The following SGCZ variants were observed in gnomAD, a reference collection of about 807,000 sequenced individuals.
The protein encoded by SGCZ is sarcoglycan zeta.
In SGCZ, 40 loss-of-function variants were observed where a neutral mutation model predicts 41.3. That is an observed-to-expected ratio of 0.97 (90% confidence interval 0.75 to 1.26). The LOEUF (loss-of-function observed/expected upper bound fraction) is 1.26, where lower values mean the gene tolerates loss of function less well. Ranked by LOEUF, SGCZ falls within the 50% of genes most tolerant of loss-of-function variation. The pLI, the probability that SGCZ is intolerant of heterozygous loss-of-function variation, is 0.00. For synonymous variants in SGCZ, 206 were observed against 137.5 expected (o/e 1.50, Z -3.49); for missense variants, 552 against 369.8 (o/e 1.49, Z -4.04).
At chr8:15,048,406 T>C (rs530804087) in intron 1 of SGCZ, among the ~76,000 whole-genome samples, 2 of 152,186 alleles carry the variant, frequency 1.3e-5, no homozygotes, top group South Asian at 4.1e-4. Flanking sequence ...TAAGTTCTAG[T>C]GTTCAATAGC....
chr8:14,938,988 C>A (rs921441599), intron 1 of SGCZ, among the ~76,000 whole-genome samples: 1 of 152,110 alleles, frequency 6.6e-6, no homozygotes, highest in South Asian at 2.1e-4. Context: ...GTCTTTCAGT[C>A]TGCGCCCTGG....
chr8:14,649,007 T>C (rs1261915132), intron 1 of SGCZ, among the ~76,000 whole-genome samples: 1 of 152,112 alleles, frequency 6.6e-6, no homozygotes, highest in African/African-American at 2.4e-5. Context: ...CCAACAGTCA[T>C]ACCAACTATA....
At chr8:15,123,829 G>A (rs538233604) in intron 1 of SGCZ, among the ~76,000 whole-genome samples, 31 of 152,262 alleles carry the variant, frequency 2.0e-4, no homozygotes, top group Admixed American at 1.8e-3. Flanking sequence ...GCAGACTGAG[G>A]GTCAGACAAG....
chr8:15,151,017 T>C (rs1488680620), intron 1 of SGCZ, among the ~76,000 whole-genome samples: 2 of 152,238 alleles, frequency 1.3e-5, no homozygotes, highest in Admixed American at 1.3e-4. Flanking sequence ...GTGGACCTAT[T>C]GGCTTCTATC....
intron 1 of SGCZ, among the ~76,000 whole-genome samples, chr8:15,107,448 A>G (rs1002821961): frequency 2.0e-5 from 3 of 152,166 alleles, no homozygotes; most frequent in African/African-American, 7.2e-5. Context: ...TCATTTACCC[A>G]TGAAAGCTGC....
At chr8:14,496,599 G>T (rs548358094) in intron 2 of SGCZ, among the ~76,000 whole-genome samples, 2 of 152,034 alleles carry the variant, frequency 1.3e-5, no homozygotes, top group African/African-American at 4.8e-5. Flanking sequence ...GATTTTGAGA[G>T]TCTCTGTTTT....
At chr8:15,167,341 C>A (rs2410233) in intron 1 of SGCZ, among the ~76,000 whole-genome samples, 32,691 of 152,140 alleles carry the variant, frequency 0.21, 4,215 homozygotes, top group East Asian at 0.58. Flanking sequence ...AGGAAACTGG[C>A]CTCACGTCCT....
At chr8:14,839,266 G>A (rs1385573365) in intron 1 of SGCZ, among the ~76,000 whole-genome samples, 1 of 152,006 alleles carries the variant, frequency 6.6e-6, no homozygotes, top group Non-Finnish European at 1.5e-5. Context: ...AAATATGAAC[G>A]ATCACTCAAA....
rs190310522 is a variant in SGCZ at position 14,540,783 on chromosome 8, A to T, written c.234+13949T>A. Among the ~76,000 whole-genome samples the T allele has an allele frequency of 3.9e-5, 6 of 151,954 alleles. No individual in the cohort carries two copies. In the East Asian group the frequency reaches 9.7e-4, roughly 25 times the overall value. On this transcript the variant is annotated intron_variant, in intron 2 of 7. Coordinates refer to ENST00000382080, the MANE Select transcript of SGCZ (RefSeq NM_139167.4). ...ATATTATCTCATGGAAAGAATTTTT[A>T]TCCTCATAAGTAGTACATTATTCTT...
chr8:14,480,328 T>C (rs1801501093), intron 2 of SGCZ, among the ~76,000 whole-genome samples: 1 of 152,198 alleles, frequency 6.6e-6, no homozygotes, highest in Admixed American at 6.5e-5. Context: ...TTGAAATATT[T>C]TTTCTCTTTT....
chr8:14,986,718 G>A (rs1177603363), intron 1 of SGCZ, among the ~76,000 whole-genome samples: 1 of 151,998 alleles, frequency 6.6e-6, no homozygotes, highest in Non-Finnish European at 1.5e-5. Context: ...CTAAGTGCAA[G>A]ATTATCTCTC....
At chr8:14,562,144 C>T (rs761141786) in intron 1 of SGCZ, among the ~76,000 whole-genome samples, 8 of 152,052 alleles carry the variant, frequency 5.3e-5, no homozygotes, top group South Asian at 4.2e-4. Context: ...CCTTGCCTCA[C>T]GTAAGGGGAA....
At position 14,205,429 on chromosome 8, in the gene SGCZ, G is replaced by A. The variant is rs770004239; in HGVS notation, c.424+32163C>T. 3.3e-5 allele frequency among the ~76,000 whole-genome samples: 5 copies of A among 152,228 alleles called. No individual in the cohort carries two copies. The East Asian group carries it at 9.7e-4, about 29-fold the overall frequency. On this transcript the variant is annotated intron_variant, in intron 4 of 7. Transcript: ENST00000382080. ...ATGTTATTCTGCTTTTTAATGCAGA[G>A]GTTATGTAAGAAATGTCCAATTGAT...
chr8:15,091,991 C>T (rs116143059), intron 1 of SGCZ, among the ~76,000 whole-genome samples: 131 of 152,164 alleles, frequency 8.6e-4, no homozygotes, highest in African/African-American at 2.6e-3. Flanking sequence ...TGGGCTCAAG[C>T]GATCCACATG....
At chr8:14,380,179 T>C (rs891988630) in intron 2 of SGCZ, among the ~76,000 whole-genome samples, 1 of 152,226 alleles carries the variant, frequency 6.6e-6, no homozygotes, top group Non-Finnish European at 1.5e-5. Context: ...CTTTATATAG[T>C]ACTTTAACAT....
At chr8:14,730,024 T>A (rs1810184002) in intron 1 of SGCZ, among the ~76,000 whole-genome samples, 1 of 152,250 alleles carries the variant, frequency 6.6e-6, no homozygotes, top group African/African-American at 2.4e-5. Flanking sequence ...GGGCGGAGAT[T>A]GCAGTGAGCC....
At chr8:14,326,382 C>T (rs111347751) in intron 2 of SGCZ, among the ~76,000 whole-genome samples, 10,089 of 151,716 alleles carry the variant, frequency 0.066, 414 homozygotes, top group Non-Finnish European at 0.097. Flanking sequence ...ACAGAAAATA[C>T]GTTATAGAAA....
rs146324875 is a variant in SGCZ, at chr8:14,879,931, C to A, written c.40-325005G>T. 1,310 of 152,162 alleles carry A rather than the reference C, an allele frequency of 8.6e-3. 13 individuals are homozygous for A. The highest frequency in any genetic ancestry group is 0.03 in the African/African-American group (1,227 of 41,496). The allele number at this position is 152,162 out of a possible 1,614,324, so 9.4% of individuals were successfully genotyped here. A position where few individuals can be genotyped will look rare whatever the true frequency, so the allele number is the denominator to read the frequency against. On this transcript the variant is annotated intron_variant, in intron 1 of 7. Transcript: ENST00000382080. Reference sequence around the variant, plus strand: ...TCTCAGCTCACTGCACCTCCCCCTTCCTGGGTTCAAGCAATTCTCCTGTCT... The same window carrying A: ...TCTCAGCTCACTGCACCTCCCCCTTACTGGGTTCAAGCAATTCTCCTGTCT...
chr8:14,173,842 A>C, intron 4 of SGCZ, among the ~76,000 whole-genome samples: 2 of 152,136 alleles, frequency 1.3e-5, no homozygotes, highest in East Asian at 3.8e-4. Context: ...ACTGCCATAA[A>C]ATTCTTACAA....
Sources: allele counts gnomAD v4.1 joint callset (sites outside exome capture counted in the v4.1 genomes callset), GRCh38; gene constraint gnomAD v4.1.1; transcripts MANE v1.5; gene names NCBI Gene and HGNC (gene_info 2026-07-23, HGNC 2026-07-21).